SYN2: variants seen among roughly 807,000 people sequenced by gnomAD.
SYN2 encodes synapsin II, also known as synapsin-2.
SYN2 carries 19 observed loss-of-function variants against 50.9 expected under a neutral mutation model. The observed-to-expected ratio is 0.37, with a 90% confidence interval of 0.26 to 0.55. The LOEUF (loss-of-function observed/expected upper bound fraction) is 0.55, where lower values mean the gene tolerates loss of function less well. Among genes scored for constraint, SYN2 ranks in the 20% least tolerant of loss-of-function variants. The probability of loss-of-function intolerance (pLI) is 0.81; values close to 1 mark genes in which losing one functional copy is unlikely to be tolerated. For missense variants in SYN2, 587 were observed against 576.4 expected (o/e 1.02, Z -0.19); for synonymous variants, 255 against 224.9 (o/e 1.13, Z -1.20).
rs142406508 is a variant in SYN2, at chr3:12,096,879, C to G, written c.378-43772C>G. ...TGGGGAACAGAAAGAAAAAAATGTA[C>G]AGAGCCTCAAGGACCTGTAGAGCAC... On this transcript the variant is annotated intron_variant, in intron 1 of 12. Coordinates refer to ENST00000621198, the MANE Select transcript of SYN2 (RefSeq NM_133625.6). Among the ~76,000 whole-genome samples the G allele has an allele frequency of 3.3e-3, 509 of 152,158 alleles. 9 individuals are homozygous for G. Among genetic ancestry groups the G allele is most frequent in the African/African-American group, 0.012 (492 of 41,510 alleles).
At chr3:12,183,207 G>T in intron 10 of SYN2, 105 bp from the exon 11 acceptor site, 1 of 1,447,924 alleles carries the variant, frequency 6.9e-7, no homozygotes, top group Non-Finnish European at 9.2e-7. Flanking sequence ...ATCCCACCAG[G>T]TCCCACCGGA....
At chr3:12,092,721 A>G (rs1695855995) in intron 1 of SYN2, among the ~76,000 whole-genome samples, 6 of 152,180 alleles carry the variant, frequency 3.9e-5, no homozygotes, top group Admixed American at 3.9e-4. Context: ...GCATTGTTTC[A>G]GCACTGACTC....
chr3:12,173,475 T>C (rs1697982263), intron 10 of SYN2, among the ~76,000 whole-genome samples: 1 of 152,194 alleles, frequency 6.6e-6, no homozygotes, highest in Non-Finnish European at 1.5e-5. Context: ...AAGTATCTGC[T>C]TTCTTCTCCA....
chr3:12,179,583 C>T lies in SYN2; in HGVS notation c.1309-3729C>T, dbSNP rs140381105. On this transcript the variant is annotated intron_variant, in intron 10 of 12. Coordinates refer to ENST00000621198, the MANE Select transcript of SYN2 (RefSeq NM_133625.6). The stretch of plus-strand genomic sequence containing the variant: ...AGATTTATATTTGACTAATTTCAAT[C>T]TTCTACTAAGCCCTAGGTGCTTCCA... Among the ~76,000 whole-genome samples, 21 of 152,252 alleles carry T rather than the reference C, an allele frequency of 1.4e-4. No individual in the cohort carries two copies. The East Asian group carries it at 4.1e-3, about 29-fold the overall frequency.
chr3:12,078,369 A>T (rs1341361576), intron 1 of SYN2, among the ~76,000 whole-genome samples: 1 of 151,432 alleles, frequency 6.6e-6, no homozygotes, highest in African/African-American at 2.4e-5. Context: ...TCATCATGAC[A>T]TCTTTGTCTG....
intron 5 of SYN2, chr3:12,156,801 T>A (rs771831162): frequency 6.3e-7 from 1 of 1,591,582 alleles, no homozygotes; most frequent in African/African-American, 1.3e-5. Flanking sequence ...TAAGGCCAGT[T>A]GTTGGTCTTT....
At chr3:12,172,903 T>C (rs1174907479) in intron 10 of SYN2, among the ~76,000 whole-genome samples, 2 of 152,242 alleles carry the variant, frequency 1.3e-5, no homozygotes, top group African/African-American at 4.8e-5. Context: ...TAGTAAATGT[T>C]TCTCAAATAC....
intron 1 of SYN2, among the ~76,000 whole-genome samples, chr3:12,077,608 A>G (rs535872620): frequency 6.6e-6 from 1 of 152,254 alleles, no homozygotes; most frequent in South Asian, 2.1e-4. Context: ...GCTGAGGATA[A>G]TGGCTTCCAG....
intron 1 of SYN2, among the ~76,000 whole-genome samples, chr3:12,065,901 G>T (rs1574919323): frequency 6.6e-6 from 1 of 152,076 alleles, no homozygotes; most frequent in Non-Finnish European, 1.5e-5. Context: ...ACCACATGTT[G>T]TATGATTCCA....
At chr3:12,151,375 A>T (rs369500666) in intron 5 of SYN2, 49 bp downstream of exon 5, 1 of 1,470,608 alleles carries the variant, frequency 6.8e-7, no homozygotes, top group Middle Eastern at 1.7e-4. Context: ...TTCATTTTGC[A>T]CTTAGCCACC....
chr3:12,017,385 A>G (rs1694047440), intron 1 of SYN2, among the ~76,000 whole-genome samples: 1 of 152,212 alleles, frequency 6.6e-6, no homozygotes, highest in Non-Finnish European at 1.5e-5. Context: ...ACTATAGCTC[A>G]CAGTGAATTC....
At chr3:12,070,404 C>T (rs1695323644) in intron 1 of SYN2, 1 of 535,042 alleles carries the variant, frequency 1.9e-6, no homozygotes, top group Admixed American at 2.0e-5. Flanking sequence ...AGGCCCAGAG[C>T]AAGCATGGCA....
intron 1 of SYN2, among the ~76,000 whole-genome samples, chr3:12,085,369 A>G (rs74766990): frequency 0.042 from 6,317 of 149,926 alleles, 248 homozygotes; most frequent in East Asian, 0.21. Flanking sequence ...ACACACACAC[A>G]CACACACACA....
chr3:12,092,968 T>G (rs1695860311), intron 1 of SYN2, among the ~76,000 whole-genome samples: 1 of 152,226 alleles, frequency 6.6e-6, no homozygotes, highest in South Asian at 2.1e-4. Context: ...GGGTTCTCTG[T>G]GACTTCTCCC....
At chr3:12,016,583 G>A (rs981795074) in intron 1 of SYN2, among the ~76,000 whole-genome samples, 10 of 152,170 alleles carry the variant, frequency 6.6e-5, no homozygotes, top group Non-Finnish European at 7.3e-5. Context: ...TAGGCCAGGC[G>A]TGGTGGCTCA....
At chr3:12,168,784 C>T (rs1428795011) in intron 9 of SYN2, among the ~76,000 whole-genome samples, 1 of 152,154 alleles carries the variant, frequency 6.6e-6, no homozygotes, top group Non-Finnish European at 1.5e-5. Context: ...GAAACTGAGG[C>T]CTAACACCAT....
chr3:12,178,650 A>G (rs917597420), intron 10 of SYN2, among the ~76,000 whole-genome samples: 3 of 152,210 alleles, frequency 2.0e-5, no homozygotes, highest in South Asian at 2.1e-4. Context: ...CCACACAACA[A>G]TATCTTCTCC....
intron 1 of SYN2, among the ~76,000 whole-genome samples, chr3:12,121,463 C>G (rs978602559): frequency 1.3e-5 from 2 of 152,072 alleles, no homozygotes; most frequent in African/African-American, 4.8e-5. Context: ...AGACTACAGA[C>G]TCTGTGAGGA....
chr3:12,148,106 T>C (rs1198731655), intron 4 of SYN2, among the ~76,000 whole-genome samples: 1 of 151,592 alleles, frequency 6.6e-6, no homozygotes. Context: ...AGAGCGAGAC[T>C]CTGTCTCAAA....
Sources: gnomAD v4.1 joint callset for allele counts (sites outside exome capture counted in the v4.1 genomes callset) on GRCh38, gnomAD v4.1.1 for gene constraint, MANE v1.5 for transcripts, NCBI Gene and HGNC (gene_info 2026-07-23, HGNC 2026-07-21) for gene names.